Variants in DNAH14 observed in about 807,000 individuals in gnomAD.
The protein encoded by DNAH14 is axonemal beta dynein heavy chain 14.
Under a neutral mutation model 520.9 loss-of-function variants are expected in DNAH14, and 478 were observed. The observed-to-expected ratio is 0.92, with a 90% confidence interval of 0.85 to 0.99. DNAH14 has a LOEUF of 0.99. Ranked by LOEUF, DNAH14 falls within the 50% of genes least tolerant of loss-of-function variation. The pLI, the probability that DNAH14 is intolerant of heterozygous loss-of-function variation, is 0.00. For synonymous variants in DNAH14, 1,581 were observed against 1,757.2 expected (o/e 0.90, Z 2.51); for missense variants, 4,831 against 5,234.5 (o/e 0.92, Z 2.38).
chr1:225,113,055 A>G (rs181631369), intron 23 of DNAH14, among the ~76,000 whole-genome samples: 1 of 152,128 alleles, frequency 6.6e-6, no homozygotes, highest in Admixed American at 6.5e-5. Flanking sequence ...TGGTGTTGGC[A>G]TTGAAGAGTT....
intron 58 of DNAH14, 120 bp from the exon 59 acceptor site, chr1:225,307,341 C>A: frequency 1.4e-6 from 1 of 695,334 alleles, no homozygotes; most frequent in Non-Finnish European, 2.4e-6. Flanking sequence ...GCCAGTCTTG[C>A]ATCTCTAGAA....
rs1314928550 is a variant in DNAH14, at chr1:225,374,264, A to ATTTTT, written c.12319-423_12319-422insTTTTT. Among the ~76,000 whole-genome samples the ATTTTT allele has an allele frequency of 3.8e-4, 25 of 66,388 alleles. 1 individual carries two copies. The highest frequency in any genetic ancestry group is 1.2e-3 in the African/African-American group (25 of 21,130). 43.6% of individuals were successfully genotyped at this position (66,388 alleles called of 152,430 possible). A position where few individuals can be genotyped will look rare whatever the true frequency, so the allele number is the denominator to read the frequency against. On this transcript the variant is annotated intron_variant, in intron 77 of 85. Coordinates refer to ENST00000682510, the MANE Select transcript of DNAH14 (RefSeq NM_001367479.1). ...TATATTTGTCTATATATATATATAT[A>ATTTTT]TATATATTTTTTTTTGAGATAGAGT...
At chr1:224,963,719 C>T (rs1248757573) in intron 4 of DNAH14, among the ~76,000 whole-genome samples, 2 of 152,036 alleles carry the variant, frequency 1.3e-5, no homozygotes, top group Non-Finnish European at 2.9e-5. Context: ...ATCCTTAATA[C>T]TAATTTTCAA....
At position 225,204,191 on chromosome 1, in the gene DNAH14, A is replaced by T; in HGVS notation, c.5895A>T (p.Lys1965Asn). 1 of 1,456,186 alleles carries T rather than the reference A, an allele frequency of 6.9e-7. No homozygotes were observed. The highest frequency in any genetic ancestry group is 9.0e-7 in the Non-Finnish European group (1 of 1,110,088). The allele number at this position is 1,456,186 out of a possible 1,614,324, so 90.2% of individuals were successfully genotyped here. A position where few individuals can be genotyped will look rare whatever the true frequency, so the allele number is the denominator to read the frequency against. Residue 1965 changes from lysine (K) to asparagine (N), a missense_variant, in exon 39 of 86, where the codon AAA (lysine) becomes AAT (asparagine). Lys to Asn is a moderately conservative substitution (Grantham distance 94, BLOSUM62 0). Coordinates refer to ENST00000682510, the MANE Select transcript of DNAH14 (RefSeq NM_001367479.1). Reference sequence around the variant, plus strand: ...TTGATTACATATTTTAGGTTTTCAAACTTGATTCCTCTGATACAACAGAGA... The same window carrying T: ...TTGATTACATATTTTAGGTTTTCAATCTTGATTCCTCTGATACAACAGAGA... ...SRISDLSNVF[K>N]LDSSDTTETD...
At chr1:225,373,335 C>T (rs1029576320) in intron 77 of DNAH14, among the ~76,000 whole-genome samples, 1 of 152,006 alleles carries the variant, frequency 6.6e-6, no homozygotes, top group Non-Finnish European at 1.5e-5. Flanking sequence ...CGTGGTGGTG[C>T]GCGCCTGTAG....
Position 225,107,325 on chromosome 1 carries a change from C to T in DNAH14, c.3867+6441C>T, listed in dbSNP as rs1463212722. 2.0e-5 allele frequency among the ~76,000 whole-genome samples: 3 copies of T among 152,166 alleles called. No individual in the cohort carries two copies. The South Asian group carries it at 6.2e-4, about 32-fold the overall frequency. ...TCTCAGGCTACTCGGGGATCAGGGACCCACTTGAGGAGGCAGTCTGTCCAT... is the reference window on the plus strand; with the variant it reads ...TCTCAGGCTACTCGGGGATCAGGGATCCACTTGAGGAGGCAGTCTGTCCAT... On this transcript the variant is annotated intron_variant, in intron 23 of 85. Transcript: ENST00000682510.
At chr1:225,299,191 C>CT (rs371522617) in intron 55 of DNAH14, among the ~76,000 whole-genome samples, 3 of 152,076 alleles carry the variant, frequency 2.0e-5, no homozygotes, top group Non-Finnish European at 2.9e-5. Flanking sequence ...TAATCACTCA[C>CT]TTTTTTTTGT....
chr1:225,056,235 G>C (rs893499979), intron 17 of DNAH14, among the ~76,000 whole-genome samples: 1 of 152,150 alleles, frequency 6.6e-6, no homozygotes, highest in Non-Finnish European at 1.5e-5. Flanking sequence ...ATTCTAACTG[G>C]TGTGAGATGG....
At chr1:225,011,513 T>C (rs1010687485) in intron 10 of DNAH14, among the ~76,000 whole-genome samples, 4 of 151,908 alleles carry the variant, frequency 2.6e-5, no homozygotes, top group African/African-American at 9.7e-5. Flanking sequence ...GTCTCATTGA[T>C]CTGTTGACAG....
At chr1:224,969,923 A>G (rs2061407525) in intron 7 of DNAH14, 1 of 152,240 alleles carries the variant, frequency 6.6e-6, no homozygotes, top group Non-Finnish European at 1.5e-5. Context: ...GATTGCGTTA[A>G]CTGCACAGAT....
At chr1:225,356,104 G>A in intron 73 of DNAH14, among the ~76,000 whole-genome samples, 1 of 152,290 alleles carries the variant, frequency 6.6e-6, no homozygotes, top group Non-Finnish European at 1.5e-5. Flanking sequence ...AATCCATTGA[G>A]AGACAACAAA....
chr1:225,208,343 T>A, intron 41 of DNAH14, among the ~76,000 whole-genome samples: 1 of 152,184 alleles, frequency 6.6e-6, no homozygotes, highest in East Asian at 1.9e-4. Context: ...AATGTATTAG[T>A]TAAAATAACA....
intron 43 of DNAH14, among the ~76,000 whole-genome samples, chr1:225,243,700 G>A (rs1367285840): frequency 6.6e-6 from 1 of 152,046 alleles, no homozygotes; most frequent in East Asian, 1.9e-4. Context: ...ACAAAGAGGA[G>A]CTGGTACTAA....
Position 225,140,850 on chromosome 1 carries a change from G to T in DNAH14, c.4337G>T (p.Gly1446Val). 6.4e-7 allele frequency: 1 copy of T among 1,551,156 alleles called. No individual in the cohort carries two copies. The highest frequency in any genetic ancestry group is 1.2e-5 in the South Asian group (1 of 84,028). ...SREKLEKVHAGLMCHLEEVAD... is the reference protein window; with the variant it reads ...SREKLEKVHAVLMCHLEEVAD... ...GAAAAATTGGAAAAAGTCCACGCTGGTCTGATGTGTCATCTAGAAGAGGTT... is the reference window on the plus strand; with the variant it reads ...GAAAAATTGGAAAAAGTCCACGCTGTTCTGATGTGTCATCTAGAAGAGGTT... Residue 1446 changes from glycine to valine, a missense_variant, in exon 28 of 86, where the codon GGT becomes GTT. Transcript: ENST00000682510.
intron 26 of DNAH14, among the ~76,000 whole-genome samples, chr1:225,121,109 G>T (rs77888051): frequency 0.069 from 10,520 of 152,012 alleles, 580 homozygotes; most frequent in East Asian, 0.24. Flanking sequence ...GTTTTAAAGA[G>T]ATTTAATTTA....
chr1:225,304,439 T>C (rs2094200798), intron 57 of DNAH14, among the ~76,000 whole-genome samples: 1 of 151,896 alleles, frequency 6.6e-6, no homozygotes, highest in Non-Finnish European at 1.5e-5. Flanking sequence ...ACATCTGTAG[T>C]CCCAGCTACA....
intron 34 of DNAH14, among the ~76,000 whole-genome samples, 179 bp downstream of exon 34, chr1:225,154,005 G>A (rs1162363872): frequency 3.3e-5 from 5 of 151,696 alleles, no homozygotes; most frequent in Admixed American, 6.6e-5. Flanking sequence ...GCACAAAATC[G>A]GAGTACTTTT....
intron 49 of DNAH14, among the ~76,000 whole-genome samples, 185 bp from the exon 50 acceptor site, chr1:225,270,550 G>C (rs1330458021): frequency 6.6e-6 from 1 of 152,108 alleles, no homozygotes; most frequent in Non-Finnish European, 1.5e-5. Flanking sequence ...TTATATTTTA[G>C]GATGGGTTAT....
At chr1:225,190,161 C>G (rs2085244722) in intron 37 of DNAH14, among the ~76,000 whole-genome samples, 1 of 151,916 alleles carries the variant, frequency 6.6e-6, no homozygotes. Flanking sequence ...CCCATACATA[C>G]ATATCTATGA....
Sources: allele counts gnomAD v4.1 joint callset (sites outside exome capture counted in the v4.1 genomes callset), GRCh38; gene constraint gnomAD v4.1.1; transcripts MANE v1.5; gene names NCBI Gene and HGNC (gene_info 2026-07-23, HGNC 2026-07-21).